RPS6KA2: variants seen among roughly 807,000 people sequenced by gnomAD.
The protein encoded by RPS6KA2 is ribosomal protein S6 kinase A2.
RPS6KA2 carries 42 observed loss-of-function variants against 91.8 expected under a neutral mutation model. The ratio of observed to expected loss-of-function variants is 0.46; its 90% CI spans 0.36 to 0.59. The LOEUF (loss-of-function observed/expected upper bound fraction) is 0.59, where lower values mean the gene tolerates loss of function less well. Among genes scored for constraint, RPS6KA2 ranks in the 20% least tolerant of loss-of-function variants. The pLI, the probability that RPS6KA2 is intolerant of heterozygous loss-of-function variation, is 0.00. For missense variants in RPS6KA2, 798 were observed against 978.5 expected, an observed-to-expected ratio of 0.82 and a Z score of 2.46; for synonymous variants, 414 against 393.6, an observed-to-expected ratio of 1.05 and a Z score of -0.61.
chr6:166,529,222 C>G (rs1783169556), intron 3 of RPS6KA2, among the ~76,000 whole-genome samples: 1 of 152,134 alleles, frequency 6.6e-6, no homozygotes, highest in Non-Finnish European at 1.5e-5. Flanking sequence ...ACATATACAC[C>G]ATGGAATACT....
intron 2 of RPS6KA2, among the ~76,000 whole-genome samples, chr6:166,808,097 C>T (rs1450312270): frequency 4.6e-5 from 7 of 151,928 alleles, no homozygotes; most frequent in African/African-American, 9.7e-5. Context: ...TGATGCACCT[C>T]GGGATGCAAC....
chr6:166,580,925 G>A (rs943023558), intron 1 of RPS6KA2, among the ~76,000 whole-genome samples: 13 of 151,932 alleles, frequency 8.6e-5, no homozygotes, highest in South Asian at 2.1e-4. Flanking sequence ...TTTTTGAGAC[G>A]AAGTCTCATT....
At chr6:166,824,119 TTGTG>T (rs577758127) in intron 2 of RPS6KA2, among the ~76,000 whole-genome samples, 3 of 152,320 alleles carry the variant, frequency 2.0e-5, no homozygotes, top group Admixed American at 2.0e-4. Flanking sequence ...ATATACATGC[TTGTG>T]TGTATGCATG....
chr6:166,534,494 C>T (rs368735182), intron 2 of RPS6KA2, among the ~76,000 whole-genome samples: 2 of 152,278 alleles, frequency 1.3e-5, no homozygotes, highest in East Asian at 1.9e-4. Context: ...GCACTCAACC[C>T]CTAACCCATA....
At chr6:166,510,552 CTCATAT>C (rs1329169744) in intron 3 of RPS6KA2, among the ~76,000 whole-genome samples, 195 bp from the exon 4 acceptor site, 18 of 66,490 alleles carry the variant, frequency 2.7e-4, no homozygotes, top group African/African-American at 8.2e-4. Flanking sequence ...CTTTCTCTCT[CTCATAT>C]ATATATATAT....
At chr6:166,798,307 T>C (rs1191818852) in intron 2 of RPS6KA2, among the ~76,000 whole-genome samples, 1 of 152,200 alleles carries the variant, frequency 6.6e-6, no homozygotes, top group Non-Finnish European at 1.5e-5. Flanking sequence ...AGGGATGAGT[T>C]ACAGCTGGCC....
intron 2 of RPS6KA2, among the ~76,000 whole-genome samples, chr6:166,652,166 C>T (rs1156848561): frequency 2.0e-5 from 3 of 152,228 alleles, no homozygotes; most frequent in African/African-American, 4.8e-5. Context: ...AAGAAAAACA[C>T]CTTCGCATTA....
chr6:166,625,446 C>A, intron 1 of RPS6KA2, among the ~76,000 whole-genome samples: 1 of 151,326 alleles, frequency 6.6e-6, no homozygotes, highest in East Asian at 1.9e-4. Context: ...CAGGCAGATT[C>A]CTGAACTCCC....
intron 2 of RPS6KA2, among the ~76,000 whole-genome samples, chr6:166,658,755 G>C (rs932951850): frequency 6.6e-6 from 1 of 152,178 alleles, no homozygotes; most frequent in African/African-American, 2.4e-5. Flanking sequence ...ACCTTCATCT[G>C]TGCAAGGGAA....
In RPS6KA2 at chr6:166,557,664, G is replaced by C. The variant is rs1417094219; in HGVS notation, c.100-18880C>G. Reference sequence around the variant, plus strand: ...CATAATAGATATATAGAAAAGTCCAGGCAACTTACAGAAATAATACAGATA... The same window carrying C: ...CATAATAGATATATAGAAAAGTCCACGCAACTTACAGAAATAATACAGATA... On this transcript the variant is annotated intron_variant, in intron 1 of 20. Transcript: ENST00000265678. This position sits in a 1 kb window ranked among gnomAD's most constrained non-coding sequence, Gnocchi z 4.8. Among the ~76,000 whole-genome samples the C allele has an allele frequency of 6.6e-6, 1 of 152,138 alleles. No homozygotes were observed. The highest frequency in any genetic ancestry group is 1.5e-5 in the Non-Finnish European group (1 of 68,032).
chr6:166,493,706 C>A lies in RPS6KA2; in HGVS notation c.748-2965G>T, dbSNP rs1781685371. 6.6e-6 allele frequency among the ~76,000 whole-genome samples: 1 copy of A among 152,186 alleles called. No homozygotes were observed. The highest frequency in any genetic ancestry group is 6.5e-5 in the Admixed American group (1 of 15,282). On this transcript the variant is annotated intron_variant, in intron 8 of 20. Transcript: ENST00000265678. The surrounding 1 kb of genome is among the most constrained non-coding windows in gnomAD (Gnocchi z 4.7). ...GTAATTGGACAGACATAACGCAGTG[C>A]TTCTCAACTGGGGTCACCGTTGCCT...
intron 2 of RPS6KA2, among the ~76,000 whole-genome samples, chr6:166,749,990 G>A (rs1356726137): frequency 4.6e-5 from 7 of 151,996 alleles, no homozygotes; most frequent in African/African-American, 1.7e-4. Context: ...AGCATCGGAA[G>A]CAGAGCTGGC....
rs867734820 is a variant in RPS6KA2, at chr6:166,793,835, C to A, written c.123+64365G>T. The stretch of plus-strand genomic sequence containing the variant: ...GCTGAAACTGGATCCCTTCCTTACA[C>A]CTTACACAAAAATTAATTCAAGACG... On this transcript the variant is annotated intron_variant, in intron 2 of 21. Coordinates refer to the RPS6KA2 transcript ENST00000503859. Among the ~76,000 whole-genome samples, 486 of 152,034 alleles carry A rather than the reference C, an allele frequency of 3.2e-3. 1 individual carries two copies. The highest frequency in any genetic ancestry group is 0.014 in the Middle Eastern group (4 of 294).
At chr6:166,524,943 T>C (rs6939941) in intron 3 of RPS6KA2, among the ~76,000 whole-genome samples, 48,732 of 151,870 alleles carry the variant, frequency 0.32, 8,527 homozygotes, top group African/African-American at 0.46. Flanking sequence ...CCGGCGGAGG[T>C]AGCTTTCATC....
At chr6:166,442,779 T>C (rs767940043) in intron 14 of RPS6KA2, among the ~76,000 whole-genome samples, 1 of 152,144 alleles carries the variant, frequency 6.6e-6, no homozygotes, top group Admixed American at 6.5e-5. Flanking sequence ...CTTCAGTCAT[T>C]AGTAGAGATG....
chr6:166,414,103 G>C (rs1778416071), intron 19 of RPS6KA2, among the ~76,000 whole-genome samples, 172 bp from the exon 20 acceptor site: 1 of 152,054 alleles, frequency 6.6e-6, no homozygotes, highest in African/African-American at 2.4e-5. Flanking sequence ...GTATGTCAAT[G>C]GTTTTTAGCT....
intron 1 of RPS6KA2, among the ~76,000 whole-genome samples, chr6:166,572,695 C>T (rs1171701109): frequency 6.6e-6 from 1 of 152,206 alleles, no homozygotes; most frequent in Non-Finnish European, 1.5e-5. Context: ...ACCAGCAAGG[C>T]CCCCTTTCCT....
chr6:166,568,526 G>A (rs944958383), intron 1 of RPS6KA2, among the ~76,000 whole-genome samples: 1 of 148,964 alleles, frequency 6.7e-6, no homozygotes, highest in South Asian at 2.1e-4. Flanking sequence ...CTTGAGGCAG[G>A]AGAATTGCTT....
Position 166,448,765 on chromosome 6 carries a change from G to A in RPS6KA2, c.1291C>T (p.Arg431Ter), listed in dbSNP as rs140501908. 4 of 1,613,574 alleles carry A rather than the reference G, an allele frequency of 2.5e-6. No individual in the cohort carries two copies. Among genetic ancestry groups the A allele is most frequent in the African/African-American group, 1.3e-5 (1 of 74,872 alleles). Residue 431 changes from arginine to a stop codon, truncating the protein, a stop_gained, in exon 14 of 21, where the codon CGA (arginine) becomes TGA (stop). Coordinates refer to ENST00000265678, the MANE Select transcript of RPS6KA2 (RefSeq NM_021135.6). LOFTEE classifies it high-confidence loss of function. This position sits in a 1 kb window ranked among gnomAD's most constrained non-coding sequence, Gnocchi z 4.7. ...GTGTCTGTGGCTTTATGCACACATC[G>A]CTTGCACACTGAGTAGGAGCCCACC... is the stretch of plus-strand genomic sequence containing the variant. ...IGVGSYSVCKRCVHKATDTEY... is the reference protein window; with the variant it reads ...IGVGSYSVCK
Sources: allele counts gnomAD v4.1 joint callset (sites outside exome capture counted in the v4.1 genomes callset), GRCh38; gene constraint gnomAD v4.1.1; non-coding constraint Gnocchi (gnomAD v3.1); transcripts MANE v1.5; gene names NCBI Gene and HGNC (gene_info 2026-07-23, HGNC 2026-07-21).